The following IQGAP2 variants were observed in gnomAD, a reference collection of about 807,000 sequenced individuals.
IQGAP2 encodes IQ motif containing GTPase activating protein 2, also known as ras GTPase-activating-like protein IQGAP2.
Under a neutral mutation model 201.3 loss-of-function variants are expected in IQGAP2, and 173 were observed. The observed-to-expected ratio is 0.86, with a 90% confidence interval of 0.76 to 0.98. The LOEUF (loss-of-function observed/expected upper bound fraction) is 0.98. Among genes scored for constraint, IQGAP2 ranks in the 50% least tolerant of loss-of-function variants. The probability of loss-of-function intolerance (pLI) is 0.00; values close to 1 mark genes in which losing one functional copy is unlikely to be tolerated. For missense variants in IQGAP2, 1,687 were observed against 1,864.8 expected, an observed-to-expected ratio of 0.90 and a Z score of 1.76; for synonymous variants, 675 against 673.9, an observed-to-expected ratio of 1.00 and a Z score of -0.03.
At chr5:76,581,913 A>G (rs574048240) in intron 5 of IQGAP2, among the ~76,000 whole-genome samples, 1 of 152,368 alleles carries the variant, frequency 6.6e-6, no homozygotes, top group Admixed American at 6.5e-5. Context: ...AACCACTTTG[A>G]TAGGTTATCA....
At chr5:76,486,350 T>C (rs1377620712) in intron 2 of IQGAP2, among the ~76,000 whole-genome samples, 2 of 152,224 alleles carry the variant, frequency 1.3e-5, no homozygotes, top group Non-Finnish European at 2.9e-5. Flanking sequence ...CTCCAAAACA[T>C]GGATTTAAAA....
chr5:76,519,985 G>T (rs904253563), intron 2 of IQGAP2, among the ~76,000 whole-genome samples: 1 of 151,160 alleles, frequency 6.6e-6, no homozygotes. Context: ...TGTGTAGCTT[G>T]TCTTTTTACT....
intron 13 of IQGAP2, among the ~76,000 whole-genome samples, chr5:76,624,072 T>C (rs896127721): frequency 1.4e-4 from 22 of 151,868 alleles, no homozygotes; most frequent in African/African-American, 4.3e-4. Flanking sequence ...AAATGAGGAC[T>C]CCCTTTATTC....
intron 15 of IQGAP2, among the ~76,000 whole-genome samples, chr5:76,632,563 T>G (rs2150386366): frequency 6.6e-6 from 1 of 152,278 alleles, no homozygotes. Flanking sequence ...TTTTTCAGAT[T>G]TGGAAGTTCA....
At chr5:76,526,247 GT>G (rs997653655) in intron 2 of IQGAP2, among the ~76,000 whole-genome samples, 12 of 152,218 alleles carry the variant, frequency 7.9e-5, no homozygotes, top group African/African-American at 2.7e-4. Context: ...CACTCTTTGT[GT>G]ACAAATGATG....
chr5:76,625,610 C>A (rs904637942), intron 13 of IQGAP2, among the ~76,000 whole-genome samples: 3 of 152,202 alleles, frequency 2.0e-5, no homozygotes, highest in Admixed American at 1.3e-4. Flanking sequence ...CCCCAGAGGT[C>A]TCCTTTAGCC....
At chr5:76,665,563 T>C (rs1215330855) in intron 22 of IQGAP2, among the ~76,000 whole-genome samples, 2 of 152,216 alleles carry the variant, frequency 1.3e-5, no homozygotes, top group Non-Finnish European at 2.9e-5. Flanking sequence ...GGTGCTGTCA[T>C]CCATGAAAAA....
chr5:76,470,013 C>T (rs1755017680), intron 2 of IQGAP2, among the ~76,000 whole-genome samples: 1 of 152,168 alleles, frequency 6.6e-6, no homozygotes, highest in Admixed American at 6.5e-5. Context: ...GGGTCTCTCA[C>T]AAAGCTGCAG....
chr5:76,497,425 G>A (rs183302779), intron 2 of IQGAP2, among the ~76,000 whole-genome samples: 106 of 152,260 alleles, frequency 7.0e-4, no homozygotes, highest in African/African-American at 2.5e-3. Flanking sequence ...TTTCTAAAAT[G>A]TAAAACTTTC....
chr5:76,434,909 A>G (rs1253752193), intron 1 of IQGAP2, among the ~76,000 whole-genome samples: 1 of 152,136 alleles, frequency 6.6e-6, no homozygotes. Context: ...GGCTGGAGTA[A>G]GGTGGTATCT....
intron 1 of IQGAP2, among the ~76,000 whole-genome samples, chr5:76,410,478 G>A (rs1751048506): frequency 6.6e-6 from 1 of 152,172 alleles, no homozygotes; most frequent in South Asian, 2.1e-4. Flanking sequence ...GACAGGGGAG[G>A]CAGGTGTGGC....
chr5:76,706,615 T>C (rs866686245), intron 35 of IQGAP2, among the ~76,000 whole-genome samples: 14 of 152,200 alleles, frequency 9.2e-5, no homozygotes, highest in African/African-American at 3.4e-4. Context: ...CTCAAACTGC[T>C]GGTATTACAG....
rs33993084 is a variant in IQGAP2, at chr5:76,445,465, C to CT, written c.47-16089dup. Reference sequence around the variant, plus strand: ...TGTGGCAAAAATCGGCCGTTTTAACCTTTTTTTTTTTTTTTTGAGATGGAG... The same window carrying CT: ...TGTGGCAAAAATCGGCCGTTTTAACCTTTTTTTTTTTTTTTTTGAGATGGAG... On this transcript the variant is annotated intron_variant, in intron 1 of 35. Transcript: ENST00000274364. Among the ~76,000 whole-genome samples the CT allele has an allele frequency of 6.8e-3, 949 of 140,028 alleles. 9 individuals carry two copies. Among genetic ancestry groups the CT allele is most frequent in the African/African-American group, 0.017 (662 of 38,398 alleles). The allele number at this position is 140,028 out of a possible 152,430, so 91.9% of individuals were successfully genotyped here.
chr5:76,429,068 C>T (rs888454434), intron 1 of IQGAP2, among the ~76,000 whole-genome samples: 3 of 90,976 alleles, frequency 3.3e-5, no homozygotes, highest in African/African-American at 1.0e-4. Context: ...GACAGCGAGA[C>T]TCTGTCTCAA....
chr5:76,609,818 G>A (rs565671538), intron 12 of IQGAP2, among the ~76,000 whole-genome samples: 1 of 144,412 alleles, frequency 6.9e-6, no homozygotes, highest in East Asian at 2.2e-4. Flanking sequence ...GGCAGTGTGT[G>A]TATATGTGTG....
At chr5:76,506,020 G>A (rs7711045) in intron 2 of IQGAP2, among the ~76,000 whole-genome samples, 115,932 of 152,090 alleles carry the variant, frequency 0.76, 44,964 homozygotes, top group African/African-American at 0.83. Flanking sequence ...TAGGTTTGGA[G>A]GTTTAAGAAG....
At chr5:76,646,448 C>A (rs1021920986) in intron 17 of IQGAP2, among the ~76,000 whole-genome samples, 1 of 152,226 alleles carries the variant, frequency 6.6e-6, no homozygotes, top group Non-Finnish European at 1.5e-5. Context: ...AAATCTCAAG[C>A]CTTCCCCGAG....
intron 2 of IQGAP2, among the ~76,000 whole-genome samples, chr5:76,496,712 CTTTCTTTCTTTCT>C (rs1334992397): frequency 0.041 from 741 of 18,120 alleles, 41 homozygotes; most frequent in Admixed American, 0.071. Context: ...CTCTTTCTTT[CTTTCTTTCTTTCT>C]TTTCTTTCTT....
intron 2 of IQGAP2, among the ~76,000 whole-genome samples, chr5:76,483,948 C>T (rs1404584362): frequency 6.6e-6 from 1 of 152,032 alleles, no homozygotes; most frequent in African/African-American, 2.4e-5. Context: ...CCTGAGAAGC[C>T]TTCTAGAATT....
Sources: gnomAD v4.1 joint callset for allele counts (sites outside exome capture counted in the v4.1 genomes callset) on GRCh38, gnomAD v4.1.1 for gene constraint, MANE v1.5 for transcripts, NCBI Gene and HGNC (gene_info 2026-07-23, HGNC 2026-07-21) for gene names.